The following GRM1 variants were observed in gnomAD, a reference collection of about 807,000 sequenced individuals.
The protein encoded by GRM1 is metabotropic glutamate receptor 1.
GRM1 carries 33 observed loss-of-function variants against 90.9 expected under a neutral mutation model. That is an observed-to-expected ratio of 0.36 (90% CI 0.28 to 0.49). The LOEUF is 0.49. Among genes scored for constraint, GRM1 ranks in the 20% least tolerant of loss-of-function variants. The probability of loss-of-function intolerance (pLI) is 0.99; values close to 1 mark genes in which losing one functional copy is unlikely to be tolerated. For synonymous variants in GRM1, 700 were observed against 613.2 expected (o/e 1.14, Z -2.09); for missense variants, 1,190 against 1,534.3 (o/e 0.78, Z 3.75).
At chr6:146,373,117 T>G (rs1410021814) in intron 5 of GRM1, among the ~76,000 whole-genome samples, 1 of 152,148 alleles carries the variant, frequency 6.6e-6, no homozygotes, top group African/African-American at 2.4e-5. Flanking sequence ...TTTTCAATTT[T>G]TGGGTGTCCT....
chr6:146,398,045 A>G (rs931916964), intron 6 of GRM1, among the ~76,000 whole-genome samples: 1 of 152,244 alleles, frequency 6.6e-6, no homozygotes. Flanking sequence ...TCCATCTAGA[A>G]GGAAAAGATA....
intron 5 of GRM1, among the ~76,000 whole-genome samples, chr6:146,368,262 G>C (rs868802281): frequency 8.4e-6 from 1 of 118,932 alleles, no homozygotes; most frequent in Non-Finnish European, 1.7e-5. Context: ...TTTTTTTTTG[G>C]GGGGGGGGGT....
intron 5 of GRM1, among the ~76,000 whole-genome samples, chr6:146,366,898 A>G (rs1000113420): frequency 2.6e-5 from 4 of 152,092 alleles, no homozygotes; most frequent in Admixed American, 6.6e-5. Flanking sequence ...GGAGCTTTTT[A>G]GCTTGATATA....
In GRM1 at chr6:146,412,305, AT is replaced by A. The variant is rs550085156; in HGVS notation, c.2660+12608del. 2.2e-3 allele frequency among the ~76,000 whole-genome samples: 339 copies of A among 152,254 alleles called. 5 individuals carry two copies. Among genetic ancestry groups the A allele is most frequent in the African/African-American group, 7.2e-3 (299 of 41,560 alleles). ...GACAAAAATAAGCCCTGCATTTAGG[AT>A]TGACCTGAGAGGTGAGTAGTGGGAA... On this transcript the variant is annotated intron_variant, in intron 7 of 7. Transcript: ENST00000282753.
chr6:146,227,329 AT>A (rs1780277140), intron 2 of GRM1, among the ~76,000 whole-genome samples: 1 of 152,114 alleles, frequency 6.6e-6, no homozygotes, highest in South Asian at 2.1e-4. Context: ...TTGACACATC[AT>A]CACCTTAAGT....
chr6:146,344,092 CCAA>C (rs1338426764), intron 3 of GRM1, among the ~76,000 whole-genome samples: 1 of 152,154 alleles, frequency 6.6e-6, no homozygotes, highest in African/African-American at 2.4e-5. Context: ...GCTGATGTTT[CCAA>C]CAACCCTTTC....
chr6:146,207,380 G>A lies in GRM1; in HGVS notation c.950+47783G>A, dbSNP rs1195907054. On this transcript the variant is annotated intron_variant, in intron 2 of 7. Coordinates refer to ENST00000282753, the MANE Select transcript of GRM1 (RefSeq NM_001278064.2). ...TTATTTTCTTGCTTGTTGGCCACAT[G>A]TATGTCTTCTTTTGAGAAGTGTCTG... Among the ~76,000 whole-genome samples, 6 of 152,128 alleles carry A rather than the reference G, an allele frequency of 3.9e-5. 1 individual carries two copies. The East Asian group carries it at 1.2e-3, about 29-fold the overall frequency.
At chr6:146,283,140 C>A (rs1205061172) in intron 2 of GRM1, among the ~76,000 whole-genome samples, 1 of 152,180 alleles carries the variant, frequency 6.6e-6, no homozygotes, top group Non-Finnish European at 1.5e-5. Context: ...GAGCCCAATG[C>A]ATAGCAAGTC....
chr6:146,041,101 A>G (rs1791084764), intron 1 of GRM1, among the ~76,000 whole-genome samples: 1 of 151,856 alleles, frequency 6.6e-6, no homozygotes, highest in African/African-American at 2.4e-5. Context: ...TAACTTTGTA[A>G]ATTAATTATT....
chr6:146,190,661 T>C (rs993258750), intron 2 of GRM1, among the ~76,000 whole-genome samples: 3 of 152,174 alleles, frequency 2.0e-5, no homozygotes, highest in African/African-American at 7.2e-5. Flanking sequence ...AGACAATTTT[T>C]GGTCACCATG....
chr6:146,192,284 T>C (rs1233567469), intron 2 of GRM1, among the ~76,000 whole-genome samples: 1 of 152,278 alleles, frequency 6.6e-6, no homozygotes, highest in Admixed American at 6.5e-5. Flanking sequence ...ATTATCTGGG[T>C]TTACAATTAG....
chr6:146,069,342 A>G (rs1375731318), intron 1 of GRM1, among the ~76,000 whole-genome samples: 2 of 152,184 alleles, frequency 1.3e-5, no homozygotes, highest in African/African-American at 4.8e-5. Flanking sequence ...ATTACATTAC[A>G]TTACATTACA....
chr6:146,163,056 A>G (rs1024299570), intron 2 of GRM1, among the ~76,000 whole-genome samples: 3 of 152,126 alleles, frequency 2.0e-5, no homozygotes, highest in Non-Finnish European at 4.4e-5. Flanking sequence ...ATCTAATATT[A>G]TTCATTAATT....
chr6:146,365,215 CTTG>C (rs1300197768), intron 5 of GRM1: 1 of 146,926 alleles, frequency 6.8e-6, no homozygotes, highest in Non-Finnish European at 1.5e-5. Flanking sequence ...TCTTTAGTGT[CTTG>C]TTGTGAATGT....
intron 1 of GRM1, among the ~76,000 whole-genome samples, chr6:146,079,732 C>T (rs777825110): frequency 6.6e-6 from 1 of 152,034 alleles, no homozygotes; most frequent in Non-Finnish European, 1.5e-5. Flanking sequence ...TTTTCAATCA[C>T]GAGAATATAG....
intron 2 of GRM1, among the ~76,000 whole-genome samples, chr6:146,224,059 G>T (rs1436663908): frequency 6.6e-6 from 1 of 152,032 alleles, no homozygotes; most frequent in Non-Finnish European, 1.5e-5. Context: ...ATCCAGCTGT[G>T]TTCCCATAGA....
intron 2 of GRM1, among the ~76,000 whole-genome samples, chr6:146,245,651 C>G (rs1167165388): frequency 2.0e-5 from 3 of 152,110 alleles, no homozygotes; most frequent in Non-Finnish European, 4.4e-5. Flanking sequence ...TGAATACATT[C>G]ATTTTCTCAG....
intron 2 of GRM1, among the ~76,000 whole-genome samples, chr6:146,164,970 C>G (rs947949603): frequency 3.2e-4 from 49 of 151,744 alleles, no homozygotes; most frequent in African/African-American, 1.2e-3. Flanking sequence ...TTGCTTGTCC[C>G]TTACTACTGT....
chr6:146,243,763 T>C (rs548634467), intron 2 of GRM1, among the ~76,000 whole-genome samples: 230 of 152,270 alleles, frequency 1.5e-3, no homozygotes, highest in African/African-American at 5.4e-3. Context: ...ACAACTGGTC[T>C]GACCAAAATT....
Sources: gnomAD v4.1 joint callset for allele counts (sites outside exome capture counted in the v4.1 genomes callset) on GRCh38, gnomAD v4.1.1 for gene constraint, MANE v1.5 for transcripts, NCBI Gene and HGNC (gene_info 2026-07-23, HGNC 2026-07-21) for gene names.